Variants in UPP1 observed in about 807,000 individuals in gnomAD.
UPP1 encodes UPase 1.
UPP1 carries 25 observed loss-of-function variants against 29.6 expected under a neutral mutation model. The ratio of observed to expected loss-of-function variants is 0.85; its 90% confidence interval spans 0.62 to 1.18. The LOEUF (loss-of-function observed/expected upper bound fraction) is 1.18, where lower values mean the gene tolerates loss of function less well. Ranked by LOEUF, UPP1 falls within the 50% of genes most tolerant of loss-of-function variation. The pLI is 0.00. For synonymous variants in UPP1, 165 were observed against 159.8 expected, an observed-to-expected ratio of 1.03 and a Z score of -0.25; for missense variants, 368 against 410.4, an observed-to-expected ratio of 0.90 and a Z score of 0.89.
Position 48,098,869 on chromosome 7 carries a change from C to T in UPP1, c.45-801C>T, listed in dbSNP as rs1029226183. On this transcript the variant is annotated intron_variant, in intron 3 of 8. Coordinates refer to ENST00000395564, the MANE Select transcript of UPP1 (RefSeq NM_003364.4). ...GTTTGAGGCTGGCTCTAAGGGACTT[C>T]GACAGGCTTGAGGGACTCATCTAGA... Among the ~76,000 whole-genome samples the T allele has an allele frequency of 4.6e-5, 7 of 152,130 alleles. No homozygotes were observed. In the East Asian group the frequency reaches 1.3e-3, roughly 29 times the overall value.
Position 48,106,850 on chromosome 7 carries a change from TTGA to T in UPP1, c.437-20_437-18del. On this transcript the variant is annotated intron_variant, in intron 6 of 8. Transcript: ENST00000395564. The stretch of plus-strand genomic sequence containing the variant: ...TATTTTGTTTTACACCCTGCATATC[TTGA>T]TGTCTGCTTTTTTCCTCAGGTCTGG... 1 of 1,612,624 alleles carries T rather than the reference TTGA, an allele frequency of 6.2e-7. No individual in the cohort carries two copies. Among genetic ancestry groups the T allele is most frequent in the Non-Finnish European group, 8.5e-7 (1 of 1,179,190 alleles).
chr7:48,092,911 C>T (rs1307060495), intron 2 of UPP1, among the ~76,000 whole-genome samples: 2 of 152,118 alleles, frequency 1.3e-5, no homozygotes, highest in African/African-American at 2.4e-5. Flanking sequence ...ACCATGTTGG[C>T]CAGGCTGGTC....
chr7:48,099,576 T>C lies in UPP1; in HGVS notation c.45-94T>C, dbSNP rs1196029420. 4.7e-6 allele frequency: 4 copies of C among 847,074 alleles called. No individual in the cohort carries two copies. In the African/African-American group the frequency reaches 6.7e-5, roughly 14 times the overall value. The allele number at this position is 847,074 out of a possible 1,614,324, so 52.5% of individuals were successfully genotyped here. A position where few individuals can be genotyped will look rare whatever the true frequency, so the allele number is the denominator to read the frequency against. The stretch of plus-strand genomic sequence containing the variant: ...ATCTGGCCCTGTCTTTCTCCCACCA[T>C]GAGCCTCGTGTCTGACATAGGCCAC... On this transcript the variant is annotated intron_variant, in intron 3 of 8. Transcript: ENST00000395564.
intron 7 of UPP1, 112 bp downstream of exon 7, chr7:48,107,194 G>A: frequency 6.9e-7 from 1 of 1,446,786 alleles, no homozygotes; most frequent in South Asian, 1.2e-5. Flanking sequence ...TGCTGTCTCA[G>A]TTACACTTCG....
intron 3 of UPP1, among the ~76,000 whole-genome samples, chr7:48,097,790 C>A (rs905339226): frequency 2.0e-5 from 3 of 152,114 alleles, no homozygotes; most frequent in Non-Finnish European, 4.4e-5. Flanking sequence ...ACTAAAGGAT[C>A]CTAAAATACT....
In UPP1 at chr7:48,089,300, C is replaced by T. The variant is rs1340695225; in HGVS notation, c.-317C>T. The T allele has an allele frequency of 1.3e-5, 2 of 152,314 alleles. No individual in the cohort carries two copies. The highest frequency in any genetic ancestry group is 4.8e-5 in the African/African-American group (2 of 41,438). The allele number at this position is 152,314 out of a possible 1,614,324, so 9.4% of individuals were successfully genotyped here. ...TCCGGCGCACAGACCCGCGCCCCGC[C>T]GTCTGCGAGCCTCCCGAGAGCCGTC... On this transcript the variant is annotated 5_prime_UTR_variant, in exon 1 of 9. Coordinates refer to ENST00000395564, the MANE Select transcript of UPP1 (RefSeq NM_003364.4).
At position 48,108,605 on chromosome 7, in the gene UPP1, G is replaced by A. The variant is rs925632516; in HGVS notation, c.*248G>A. On this transcript the variant is annotated 3_prime_UTR_variant, in exon 9 of 9. Coordinates refer to ENST00000395564, the MANE Select transcript of UPP1 (RefSeq NM_003364.4). ...TTCAAGAACATTCTACCAAATTTTT[G>A]TACTATTTCTAGGGAAATTTTTCAG... 8 of 368,762 alleles carry A rather than the reference G, an allele frequency of 2.2e-5. No individual in the cohort carries two copies. Among genetic ancestry groups the A allele is most frequent in the African/African-American group, 6.3e-5 (3 of 47,950 alleles). The allele number at this position is 368,762 out of a possible 1,614,324, so 22.8% of individuals were successfully genotyped here. A position where few individuals can be genotyped will look rare whatever the true frequency, so the allele number is the denominator to read the frequency against.
chr7:48,102,080 C>CT, intron 5 of UPP1, 98 bp downstream of exon 5: 1 of 1,373,704 alleles, frequency 7.3e-7, no homozygotes, highest in Non-Finnish European at 9.9e-7. Context: ...CTAACACCTG[C>CT]TTACTGTAAA....
intron 3 of UPP1, 57 bp downstream of exon 3, chr7:48,094,884 A>G (rs1276125154): frequency 3.2e-6 from 5 of 1,583,204 alleles, no homozygotes; most frequent in African/African-American, 2.7e-5. Context: ...TTTATAGAGC[A>G]TATGTTGTGC....
At chr7:48,092,602 G>C (rs1222054158) in intron 2 of UPP1, among the ~76,000 whole-genome samples, 1 of 152,140 alleles carries the variant, frequency 6.6e-6, no homozygotes, top group Non-Finnish European at 1.5e-5. Context: ...CTTGGAGGCT[G>C]AGGTGGGAGG....
chr7:48,101,820 G>A lies in UPP1; in HGVS notation c.163-4G>A. 6.2e-7 allele frequency: 1 copy of A among 1,613,334 alleles called. No homozygotes were observed. Among genetic ancestry groups the A allele is most frequent in the Non-Finnish European group, 8.5e-7 (1 of 1,179,682 alleles). ...TAATGGGGGTCTCTCTTCTCTGGCT[G>A]CAGTTTGTGTGTGTTGGTGGAAGCC... On this transcript the variant is annotated splice_polypyrimidine_tract_variant and splice_region_variant and intron_variant, in intron 4 of 8. Transcript: ENST00000395564.
At chr7:48,107,580 G>A in intron 8 of UPP1, 73 bp downstream of exon 8, 2 of 1,509,478 alleles carry the variant, frequency 1.3e-6, no homozygotes, top group Non-Finnish European at 1.8e-6. Flanking sequence ...CCTCGCTGGG[G>A]CCCCTCCTCC....
At chr7:48,093,678 A>T (rs781485255) in intron 2 of UPP1, among the ~76,000 whole-genome samples, 7 of 152,200 alleles carry the variant, frequency 4.6e-5, no homozygotes, top group Non-Finnish European at 1.0e-4. Flanking sequence ...GAATAACTTC[A>T]GGTACGCCAC....
intron 5 of UPP1, 95 bp downstream of exon 5, chr7:48,102,077 C>A: frequency 7.2e-7 from 1 of 1,387,612 alleles, no homozygotes; most frequent in Non-Finnish European, 9.8e-7. Context: ...CCCCTAACAC[C>A]TGCTTACTGT....
intron 3 of UPP1, among the ~76,000 whole-genome samples, chr7:48,096,988 C>T (rs546347153): frequency 6.6e-6 from 1 of 152,310 alleles, no homozygotes; most frequent in South Asian, 2.1e-4. Context: ...GCATGAGCCA[C>T]CGCGCCCAGA....
At chr7:48,095,331 C>A (rs773158079) in intron 3 of UPP1, among the ~76,000 whole-genome samples, 1 of 152,110 alleles carries the variant, frequency 6.6e-6, no homozygotes, top group African/African-American at 2.4e-5. Context: ...TATTTTCTCA[C>A]CCCCCCAGTT....
At chr7:48,107,184 T>C in intron 7 of UPP1, 102 bp downstream of exon 7, 1 of 1,478,740 alleles carries the variant, frequency 6.8e-7, no homozygotes, top group South Asian at 1.2e-5. Context: ...CTTGCCAGGC[T>C]GCTGTCTCAG....
intron 5 of UPP1, among the ~76,000 whole-genome samples, chr7:48,102,699 C>T (rs901434029): frequency 7.2e-5 from 11 of 152,136 alleles, no homozygotes; most frequent in Non-Finnish European, 8.8e-5. Flanking sequence ...ACAGGAACAG[C>T]CCCTGGAAAG....
chr7:48,108,519 G>T lies in UPP1; in HGVS notation c.*162G>T. On this transcript the variant is annotated 3_prime_UTR_variant, in exon 9 of 9. Transcript: ENST00000395564. ...ATCTTGGATTAACCGCATGGGAGAT[G>T]TTCTTCCTTTTGAAGTTTCATTGGA... is the stretch of plus-strand genomic sequence containing the variant. 1 of 793,492 alleles carries T rather than the reference G, an allele frequency of 1.3e-6. No individual in the cohort carries two copies. The allele number at this position is 793,492 out of a possible 1,614,324, so 49.2% of individuals were successfully genotyped here.
Sources: allele counts gnomAD v4.1 joint callset (sites outside exome capture counted in the v4.1 genomes callset), GRCh38; gene constraint gnomAD v4.1.1; transcripts MANE v1.5; gene names NCBI Gene and HGNC (gene_info 2026-07-23, HGNC 2026-07-21).